The following CDH15 variants were observed in gnomAD, a reference collection of about 807,000 sequenced individuals.
CDH15 encodes cadherin-15.
CDH15 carries 73 observed loss-of-function variants against 69.4 expected under a neutral mutation model. The observed-to-expected ratio is 1.05, with a 90% CI of 0.87 to 1.28. CDH15 has a LOEUF of 1.28. CDH15 is among the 50% of genes most tolerant of loss of function. CDH15 has a pLI of 0.00. For synonymous variants in CDH15, 624 were observed against 507.7 expected (o/e 1.23, Z -3.08); for missense variants, 1,343 against 1,133.6 (o/e 1.18, Z -2.65).
At position 89,188,130 on chromosome 16, in the gene CDH15, G is replaced by A. The variant is rs774650059; in HGVS notation, c.823G>A (p.Gly275Arg). 5.7e-5 allele frequency: 92 copies of A among 1,612,922 alleles called. No individual in the cohort carries two copies. In the Middle Eastern group the frequency reaches 1.3e-3, roughly 23 times the overall value. ...FFMEAIEAVS[G>R]VDVGRLEVED... ...CATGGAGGCCATAGAGGCCGTCAGC[G>A]GAGTGGATGTGGGACGCCTGGAAGT... The change falls in exon 7 of 14, where the codon GGA (glycine) becomes AGA (arginine). Residue 275 changes from glycine to arginine, a missense_variant. By Grantham distance (125) the Gly-to-Arg change is moderately radical. Transcript: ENST00000289746.
At chr16:89,189,373 T>TGCC (rs1555593222) in intron 7 of CDH15, among the ~76,000 whole-genome samples, 5,560 of 93,234 alleles carry the variant, frequency 0.06, 231 homozygotes, top group East Asian at 0.23. Flanking sequence ...ACACAGATGC[T>TGCC]GGCGCACACA....
intron 1 of CDH15, 131 bp downstream of exon 1, chr16:89,172,004 G>A: frequency 2.2e-6 from 2 of 903,626 alleles, no homozygotes; most frequent in Admixed American, 2.2e-5. Flanking sequence ...TGTGAGCGGA[G>A]TGGCTCCGGG....
chr16:89,183,789 A>G (rs2151600459), intron 4 of CDH15, 97 bp downstream of exon 4: 2 of 1,305,944 alleles, frequency 1.5e-6, no homozygotes, highest in Non-Finnish European at 1.0e-6. Context: ...GAGGCCCCTC[A>G]GAGTCTAAAA....
rs774035764 is a variant in CDH15, at chr16:89,192,424, C to T, written c.1835C>T (p.Ala612Val). The change falls in exon 11 of 14, where the codon GCC becomes GTC. Residue 612 changes from alanine to valine, a missense_variant. Physicochemically the swap from Ala to Val is moderately conservative, Grantham distance 64 (BLOSUM62 0). Transcript: ENST00000289746. ...CTGGGCGCACTGGTCATCGTGCTGG[C>T]CAGCGCCCTCCTGCTGCTGGGTGAG... ...LSLGALVIVL[A>V]SALLLLVLVL... 1.9e-6 allele frequency: 3 copies of T among 1,552,034 alleles called. No homozygotes were observed. The highest frequency in any genetic ancestry group is 1.9e-5 in the Admixed American group (1 of 53,658).
chr16:89,180,381 T>C, intron 3 of CDH15, 26 bp downstream of exon 3: 1 of 1,606,284 alleles, frequency 6.2e-7, no homozygotes, highest in Non-Finnish European at 8.5e-7. Flanking sequence ...GTCGGACCTG[T>C]GCCCCTCAAG....
rs1222831992 is a variant in CDH15, at chr16:89,193,851, C to T, written c.2089C>T (p.His697Tyr). The T allele has an allele frequency of 3.7e-6, 6 of 1,611,654 alleles. No individual in the cohort carries two copies. The African/African-American group carries it at 6.7e-5, about 18-fold the overall frequency. ...LRRDAPQGRL[H>Y]PQPPRVLPTS... is the part of the protein sequence containing the mutation. The stretch of plus-strand genomic sequence containing the variant: ...CAGAGATGCCCCGCAGGGCCGCCTG[C>T]ACCCCCAGCCACCCCGAGTGCTGCC... The change falls in exon 13 of 14, where the codon CAC (histidine) becomes TAC (tyrosine). Residue 697 changes from histidine to tyrosine, a missense_variant. Physicochemically the swap from His to Tyr is moderately conservative, Grantham distance 83. Transcript: ENST00000289746.
chr16:89,188,348 CCA>C lies in CDH15; in HGVS notation c.978+70_978+71del, dbSNP rs1915542243. The C allele has an allele frequency of 3.7e-6, 5 of 1,363,644 alleles. No homozygotes were observed. In the South Asian group the frequency reaches 6.0e-5, roughly 16 times the overall value. The allele number at this position is 1,363,644 out of a possible 1,614,324, so 84.5% of individuals were successfully genotyped here. On this transcript the variant is annotated intron_variant, in intron 7 of 13. Transcript: ENST00000289746. ...CGCAGATGCCGACACACACAGATGCCCACACACAGATGCCGGCACACACAGAT... is the reference window on the plus strand; with the variant it reads ...CGCAGATGCCGACACACACAGATGCCCACACAGATGCCGGCACACACAGAT...
chr16:89,180,158 CG>C, intron 2 of CDH15, 41 bp from the exon 3 acceptor site: 1 of 1,605,160 alleles, frequency 6.2e-7, no homozygotes, highest in Non-Finnish European at 8.5e-7. Context: ...CAGAGGCCCC[CG>C]CCCGGAGCAG....
rs374288437 is a variant in CDH15, at chr16:89,190,475, C to T, written c.1211C>T (p.Thr404Ile). 156 of 1,597,930 alleles carry T rather than the reference C, an allele frequency of 9.8e-5. No homozygotes were observed. The South Asian group carries it at 1.4e-3, about 14-fold the overall frequency. Residue 404 changes from threonine (T) to isoleucine (I), a missense_variant, in exon 8 of 14, where the codon ACA becomes ATA. By Grantham distance (89) the Thr-to-Ile change is moderately conservative. Transcript: ENST00000289746. ...ACCTTCTCTGCCCGGGACCCTGACA[C>T]AGAGCAGCTGCAGAGGCTCAGGTGG... ...VATFSARDPD[T>I]EQLQRLSYSK...
At chr16:89,174,458 C>T (rs1004911185) in intron 1 of CDH15, among the ~76,000 whole-genome samples, 2 of 152,230 alleles carry the variant, frequency 1.3e-5, no homozygotes, top group African/African-American at 2.4e-5. Flanking sequence ...AACCGCTCCT[C>T]GTTCCCGTCT....
At chr16:89,181,642 A>T (rs1597304538) in intron 3 of CDH15, among the ~76,000 whole-genome samples, 1 of 151,846 alleles carries the variant, frequency 6.6e-6, no homozygotes, top group East Asian at 1.9e-4. Context: ...CTCTCAAAAA[A>T]AAAAGAAGAA....
intron 6 of CDH15, 53 bp from the exon 7 acceptor site, chr16:89,188,047 C>G: frequency 1.3e-6 from 2 of 1,518,004 alleles, no homozygotes; most frequent in Admixed American, 1.9e-5. Flanking sequence ...AGGGCCCCAC[C>G]CATGCTGTCC....
In CDH15 at chr16:89,180,221, C is replaced by T; in HGVS notation, c.223C>T (p.Leu75=). Residue 75 remains leucine (L), a synonymous_variant, in exon 3 of 14, where the codon CTG becomes TTG. Coordinates refer to ENST00000289746, the MANE Select transcript of CDH15 (RefSeq NM_004933.3). ...ACAGATCAAGTCGGACAAGCAGCAGCTGGGCAGCGTCATCTACAGCATCCA... is the reference window on the plus strand; with the variant it reads ...ACAGATCAAGTCGGACAAGCAGCAGTTGGGCAGCGTCATCTACAGCATCCA... ...LVQIKSDKQQ[L]GSVIYSIQGP... is the part of the protein sequence containing the mutation. 6.2e-7 allele frequency: 1 copy of T among 1,610,824 alleles called. No individual in the cohort carries two copies. Among genetic ancestry groups the T allele is most frequent in the East Asian group, 2.2e-5 (1 of 44,770 alleles).
rs372104461 is a variant in CDH15 at position 89,179,384 on chromosome 16, G to T, written c.43-32G>T. 3.1e-6 allele frequency: 5 copies of T among 1,612,776 alleles called. No homozygotes were observed. In the South Asian group the frequency reaches 3.3e-5, roughly 11 times the overall value. On this transcript the variant is annotated intron_variant, in intron 1 of 13. Coordinates refer to ENST00000289746, the MANE Select transcript of CDH15 (RefSeq NM_004933.3). ...GCTGCCGCCCAGGGCTCCAGGAGAC[G>T]GTACTGTGGGACGCATCTGTCTTTG...
chr16:89,184,720 G>A (rs9635540), intron 4 of CDH15, among the ~76,000 whole-genome samples: 6,667 of 151,778 alleles, frequency 0.044, 259 homozygotes, highest in East Asian at 0.17. Context: ...TATCCTGCCC[G>A]TGTGTCCTCT....
chr16:89,183,844 C>T lies in CDH15; in HGVS notation c.502+152C>T, dbSNP rs905284192. On this transcript the variant is annotated intron_variant, in intron 4 of 13. Coordinates refer to ENST00000289746, the MANE Select transcript of CDH15 (RefSeq NM_004933.3). ...AGGCAGGTCCGTTTCCACAGGTCAA[C>T]TCCTGCCACTTCCCATTCCAACATA... The T allele has an allele frequency of 1.1e-5, 9 of 795,162 alleles. No individual in the cohort carries two copies. The African/African-American group carries it at 1.4e-4, about 12-fold the overall frequency. 49.3% of individuals were successfully genotyped at this position (795,162 alleles called of 1,614,324 possible). A position where few individuals can be genotyped will look rare whatever the true frequency, so the allele number is the denominator to read the frequency against.
chr16:89,177,680 G>A (rs1486199225), intron 1 of CDH15, among the ~76,000 whole-genome samples: 1 of 152,116 alleles, frequency 6.6e-6, no homozygotes, highest in African/African-American at 2.4e-5. Flanking sequence ...CCCTCACCAA[G>A]TTCAGGCAGA....
At chr16:89,193,389 CTCCT>C in intron 11 of CDH15, 77 bp from the exon 12 acceptor site, 2 of 1,148,408 alleles carry the variant, frequency 1.7e-6, no homozygotes, top group Non-Finnish European at 2.5e-6. Context: ...GCCCCGCCCC[CTCCT>C]CCCACCTCCT....
At chr16:89,194,806 G>A (rs1018193946) in intron 13 of CDH15, 56 bp from the exon 14 acceptor site, 23 of 1,536,716 alleles carry the variant, frequency 1.5e-5, no homozygotes, top group South Asian at 3.5e-5. Flanking sequence ...TGGCCACGGC[G>A]GTGGGGCACC....
Sources: gnomAD v4.1 joint callset for allele counts (sites outside exome capture counted in the v4.1 genomes callset) on GRCh38, gnomAD v4.1.1 for gene constraint, MANE v1.5 for transcripts, NCBI Gene and HGNC (gene_info 2026-07-23, HGNC 2026-07-21) for gene names.